Variants in DGKD observed in about 807,000 individuals in gnomAD.
DGKD encodes the protein DAG kinase delta.
In DGKD, 68 loss-of-function variants were observed where a neutral mutation model predicts 154.4. That is an observed-to-expected ratio of 0.44 (90% CI 0.36 to 0.54). The LOEUF (loss-of-function observed/expected upper bound fraction) is 0.54. Among genes scored for constraint, DGKD ranks in the 20% least tolerant of loss-of-function variants. The probability of loss-of-function intolerance (pLI) is 0.00; values close to 1 mark genes in which losing one functional copy is unlikely to be tolerated. For missense variants in DGKD, 1,343 were observed against 1,593.6 expected (o/e 0.84, Z 2.68); for synonymous variants, 693 against 638.0 (o/e 1.09, Z -1.30).
In DGKD at chr2:233,469,380, G is replaced by A. The variant is rs907402698; in HGVS notation, c.3565G>A (p.Val1189Met). The stretch of plus-strand genomic sequence containing the variant: ...GTCTTCTCTGTTGCAGGACCTGGGC[G>A]TGACCAAGGTGGGCCACATGAAGAG... ...LERRDLKDLG[V>M]TKVGHMKRIL... Residue 1189 changes from valine (V) to methionine (M), a missense_variant, in exon 30 of 30, where the codon GTG becomes ATG. Around this residue, in one of 6 missense-constraint regions of DGKD, gnomAD observed 429 missense variants for 496.3 expected, o/e 0.86. Transcript: ENST00000264057. The A allele has an allele frequency of 1.1e-5, 17 of 1,611,706 alleles. No individual in the cohort carries two copies. Among genetic ancestry groups the A allele is most frequent in the Admixed American group, 1.0e-4 (6 of 59,764 alleles).
At chr2:233,468,950 A>G (rs927312585) in intron 29 of DGKD, among the ~76,000 whole-genome samples, 12 of 152,190 alleles carry the variant, frequency 7.9e-5, no homozygotes, top group East Asian at 3.9e-4. Context: ...GCCTCGGTCT[A>G]TGCCAGGCCT....
At chr2:233,429,696 G>A (rs559822641) in intron 3 of DGKD, among the ~76,000 whole-genome samples, 1 of 152,296 alleles carries the variant, frequency 6.6e-6, no homozygotes, top group African/African-American at 2.4e-5. Flanking sequence ...GAGGGAGAGG[G>A]GCTGTTTGTG....
At chr2:233,372,260 A>G (rs1205388911) in intron 1 of DGKD, among the ~76,000 whole-genome samples, 4 of 152,150 alleles carry the variant, frequency 2.6e-5, no homozygotes, top group South Asian at 2.1e-4. Context: ...GGCTCAAGCA[A>G]TCCGCCCGCC....
chr2:233,438,248 C>T lies in DGKD; in HGVS notation c.954C>T (p.Cys318=), dbSNP rs776560491. ...GFWKASCPPS[C]TSPLLVFVNS... Reference sequence around the variant, plus strand: ...GGAAGGCCAGCTGTCCTCCTTCTTGCACAAGCCCACTGTTGGTCTTCGTCA... The same window carrying T: ...GGAAGGCCAGCTGTCCTCCTTCTTGTACAAGCCCACTGTTGGTCTTCGTCA... Residue 318 remains cysteine, a synonymous_variant, in exon 9 of 30, where the codon TGC becomes TGT. Transcript: ENST00000264057. The surrounding 1 kb of genome is among the most constrained non-coding windows in gnomAD (Gnocchi z 4.1). 1.2e-6 allele frequency: 2 copies of T among 1,614,046 alleles called. No individual in the cohort carries two copies. Among genetic ancestry groups the T allele is most frequent in the African/African-American group, 2.7e-5 (2 of 74,918 alleles).
At position 233,450,107 on chromosome 2, in the gene DGKD, C is replaced by G. The variant is rs746563961; in HGVS notation, c.2014C>G (p.Pro672Ala). The G allele has an allele frequency of 1.2e-6, 2 of 1,612,676 alleles. No homozygotes were observed. Among genetic ancestry groups the G allele is most frequent in the African/African-American group, 2.7e-5 (2 of 74,854 alleles). ...GTCCCACAGCGAGAGCTTCGGGGTC[C>G]CCAAGGGGAGGAGCCAGCGCAAAGG... is the stretch of plus-strand genomic sequence containing the variant. ...PLSHSESFGV[P>A]KGRSQRKVSK... The change falls in exon 16 of 30, where the codon CCC becomes GCC. Residue 672 changes from proline (P) to alanine (A), a missense_variant. Physicochemically the swap from Pro to Ala is conservative, Grantham distance 27 (BLOSUM62 -1). Around this residue, in one of 6 missense-constraint regions of DGKD, gnomAD observed 409 missense variants for 446.0 expected, o/e 0.92. Coordinates refer to ENST00000264057, the MANE Select transcript of DGKD (RefSeq NM_152879.3).
chr2:233,430,306 C>T (rs997693265), intron 3 of DGKD, among the ~76,000 whole-genome samples: 3 of 152,154 alleles, frequency 2.0e-5, no homozygotes, highest in South Asian at 2.1e-4. Flanking sequence ...TATGAGAAAT[C>T]GCAGAAGAAT....
At chr2:233,422,641 C>G (rs1259913256) in intron 3 of DGKD, among the ~76,000 whole-genome samples, 1 of 152,244 alleles carries the variant, frequency 6.6e-6, no homozygotes, top group African/African-American at 2.4e-5. Flanking sequence ...TTTTAACTTG[C>G]GCTGCCCACA....
At chr2:233,387,558 GCC>G (rs1703266676) in intron 1 of DGKD, among the ~76,000 whole-genome samples, 1 of 152,212 alleles carries the variant, frequency 6.6e-6, no homozygotes, top group East Asian at 1.9e-4. Flanking sequence ...GAGAAGTAGA[GCC>G]CCCTTCATTC....
intron 1 of DGKD, among the ~76,000 whole-genome samples, chr2:233,365,743 A>G (rs1701994555): frequency 6.6e-6 from 1 of 152,262 alleles, no homozygotes; most frequent in Non-Finnish European, 1.5e-5. Context: ...ATCAATAAAA[A>G]GAAAATCTCA....
rs149957460 is a variant in DGKD, at chr2:233,405,323, A to G, written c.348+14840A>G. 3.5e-3 allele frequency among the ~76,000 whole-genome samples: 536 copies of G among 152,318 alleles called. 3 individuals are homozygous for G. Among genetic ancestry groups the G allele is most frequent in the Non-Finnish European group, 6.5e-3 (440 of 68,028 alleles). ...CACCTGAGGTCGGGAGTTTGAGATC[A>G]GCCTGATCAACATGGAGAAACCCTG... On this transcript the variant is annotated intron_variant, in intron 3 of 29. Transcript: ENST00000264057.
rs1036777393 is a variant in DGKD at position 233,441,246 on chromosome 2, G to A, written c.1086-641G>A. Among the ~76,000 whole-genome samples the A allele has an allele frequency of 1.3e-5, 2 of 152,184 alleles. No individual in the cohort carries two copies. Among genetic ancestry groups the A allele is most frequent in the African/African-American group, 4.8e-5 (2 of 41,440 alleles). ...GAGCCCAGGAAGGAAGGAAACCGAG[G>A]AGTTAGGAGGGTAGGAGGCGTGGGT... On this transcript the variant is annotated intron_variant, in intron 9 of 29. Transcript: ENST00000264057. The surrounding 1 kb of genome is among the most constrained non-coding windows in gnomAD (Gnocchi z 5.6).
rs558834534 is a variant in DGKD at position 233,462,537 on chromosome 2, C to T, written c.3093+78C>T. On this transcript the variant is annotated intron_variant, in intron 25 of 29. Transcript: ENST00000264057. ...CGGCCCTCCCCGTGCGTGTTCATTCCCCCGCCTCCCCGGTGCATGTTCGGC... is the reference window on the plus strand; with the variant it reads ...CGGCCCTCCCCGTGCGTGTTCATTCTCCCGCCTCCCCGGTGCATGTTCGGC... 4.6e-5 allele frequency: 70 copies of T among 1,521,678 alleles called. No homozygotes were observed. The African/African-American group carries it at 8.5e-4, about 18-fold the overall frequency. 94.3% of individuals were successfully genotyped at this position (1,521,678 alleles called of 1,614,324 possible).
intron 24 of DGKD, among the ~76,000 whole-genome samples, chr2:233,461,532 G>C (rs1376087349): frequency 6.6e-6 from 1 of 152,086 alleles, no homozygotes; most frequent in Admixed American, 6.6e-5. Flanking sequence ...TGCGGCCCCT[G>C]TCCTCGTCTC....
At chr2:233,358,913 C>G (rs1332710776) in intron 1 of DGKD, among the ~76,000 whole-genome samples, 1 of 152,162 alleles carries the variant, frequency 6.6e-6, no homozygotes, top group Non-Finnish European at 1.5e-5. Context: ...TGGCTATACA[C>G]CTAGGAGTGG....
intron 1 of DGKD, among the ~76,000 whole-genome samples, chr2:233,360,502 C>T (rs553036468): frequency 2.0e-5 from 3 of 151,400 alleles, no homozygotes; most frequent in East Asian, 3.9e-4. Flanking sequence ...AAGCGATCCT[C>T]CCCCTTTGGC....
At chr2:233,404,425 C>G (rs962892553) in intron 3 of DGKD, among the ~76,000 whole-genome samples, 2 of 152,110 alleles carry the variant, frequency 1.3e-5, no homozygotes, top group Admixed American at 6.5e-5. Context: ...CCTGTTTGCC[C>G]AGGAGAGGGT....
chr2:233,410,575 T>C (rs1176248166), intron 3 of DGKD, among the ~76,000 whole-genome samples: 2 of 152,232 alleles, frequency 1.3e-5, no homozygotes, highest in Non-Finnish European at 2.9e-5. Context: ...CAACCTCTTA[T>C]CTTTAGCACT....
rs1020534128 is a variant in DGKD at position 233,446,743 on chromosome 2, C to T, written c.1366C>T (p.Pro456Ser). The change falls in exon 12 of 30, where the codon CCC becomes TCC. Residue 456 changes from proline (P) to serine (S), a missense_variant. This residue lies in a region of DGKD where 409 missense variants were observed against 446.0 expected (regional missense o/e 0.92). Transcript: ENST00000264057. Reference sequence around the variant, plus strand: ...CGTCATGGCATACGAGGCCAAGCTCCCCCGGCAGGCCTCCTCCTCTACCGT... The same window carrying T: ...CGTCATGGCATACGAGGCCAAGCTCTCCCGGCAGGCCTCCTCCTCTACCGT... ...WSVMAYEAKL[P>S]RQASSSTVTE... The T allele has an allele frequency of 1.2e-6, 2 of 1,614,168 alleles. No individual in the cohort carries two copies. Among genetic ancestry groups the T allele is most frequent in the Non-Finnish European group, 8.5e-7 (1 of 1,180,038 alleles).
rs527845894 is a variant in DGKD at position 233,399,623 on chromosome 2, A to T, written c.348+9140A>T. Among the ~76,000 whole-genome samples the T allele has an allele frequency of 2.6e-5, 4 of 152,306 alleles. No homozygotes were observed. In the East Asian group the frequency reaches 7.7e-4, roughly 29 times the overall value. On this transcript the variant is annotated intron_variant, in intron 3 of 29. Transcript: ENST00000264057. Reference sequence around the variant, plus strand: ...GCGCTGGGTGAGCAGCCTCTGAGGCAGGAAGTGCTTTCCAGGCTGGGGTGG... The same window carrying T: ...GCGCTGGGTGAGCAGCCTCTGAGGCTGGAAGTGCTTTCCAGGCTGGGGTGG...
Sources: allele counts gnomAD v4.1 joint callset (sites outside exome capture counted in the v4.1 genomes callset), GRCh38; gene constraint gnomAD v4.1.1; regional missense constraint gnomAD v4.1.1; non-coding constraint Gnocchi (gnomAD v3.1); transcripts MANE v1.5; gene names NCBI Gene and HGNC (gene_info 2026-07-23, HGNC 2026-07-21).